The following GRIK3 variants were observed in gnomAD, a reference collection of about 807,000 sequenced individuals.
GRIK3 encodes the protein glutamate receptor ionotropic, kainate 3.
A neutral mutation model predicts 102.5 loss-of-function variants in GRIK3; 29 were observed. The observed-to-expected ratio is 0.28, with a 90% CI of 0.21 to 0.39. GRIK3 has a LOEUF of 0.39. Ranked by LOEUF, GRIK3 falls within the 10% of genes least tolerant of loss-of-function variation. GRIK3 has a pLI of 1.00. For synonymous variants in GRIK3, 511 were observed against 504.9 expected (o/e 1.01, Z -0.16); for missense variants, 908 against 1,252.4 (o/e 0.73, Z 4.15).
intron 1 of GRIK3, among the ~76,000 whole-genome samples, chr1:36,961,153 A>G (rs1041380173): frequency 2.0e-5 from 3 of 152,218 alleles, no homozygotes; most frequent in South Asian, 2.1e-4. Context: ...GGTAGGCTCC[A>G]TGCAACACAC....
intron 10 of GRIK3, among the ~76,000 whole-genome samples, chr1:36,826,360 C>A (rs1158114776): frequency 1.3e-5 from 2 of 152,162 alleles, no homozygotes; most frequent in East Asian, 1.9e-4. Context: ...AAAGATAATA[C>A]CCTCCTTTGG....
chr1:36,923,272 C>T (rs1309351707), intron 1 of GRIK3, among the ~76,000 whole-genome samples: 1 of 152,154 alleles, frequency 6.6e-6, no homozygotes, highest in Non-Finnish European at 1.5e-5. Context: ...AACACAGAGG[C>T]TCTCTGGAAA....
intron 1 of GRIK3, among the ~76,000 whole-genome samples, chr1:36,914,425 C>G (rs1450762359): frequency 6.6e-6 from 1 of 152,210 alleles, no homozygotes; most frequent in Non-Finnish European, 1.5e-5. Flanking sequence ...ATTTGCTCTG[C>G]TCACATGCAG....
chr1:36,800,982 C>T lies in GRIK3; in HGVS notation c.*869G>A, dbSNP rs1642434084. On this transcript the variant is annotated 3_prime_UTR_variant, in exon 16 of 16. Coordinates refer to ENST00000373091, the MANE Select transcript of GRIK3 (RefSeq NM_000831.4). ...ATTGGCACAAGAGCCGGTGGGACTT[C>T]CATGGAATCTGCTTTTCCTCTGCTG... The T allele has an allele frequency of 6.6e-6, 1 of 152,228 alleles. No homozygotes were observed. The highest frequency in any genetic ancestry group is 2.4e-5 in the African/African-American group (1 of 41,454). 9.4% of individuals were successfully genotyped at this position (152,228 alleles called of 1,614,324 possible).
intron 1 of GRIK3, among the ~76,000 whole-genome samples, chr1:36,964,669 C>A (rs961923814): frequency 1.8e-4 from 27 of 152,192 alleles, no homozygotes; most frequent in Non-Finnish European, 7.3e-5. Context: ...CAAGACCATG[C>A]CCACAGTGAG....
At chr1:37,010,902 C>T (rs476664) in intron 1 of GRIK3, among the ~76,000 whole-genome samples, 21,929 of 151,876 alleles carry the variant, frequency 0.14, 2,153 homozygotes, top group African/African-American at 0.27. Flanking sequence ...CCACCGCGCC[C>T]GGCTAATTTT....
At chr1:36,860,654 T>C (rs1169260976) in intron 5 of GRIK3, among the ~76,000 whole-genome samples, 1 of 152,102 alleles carries the variant, frequency 6.6e-6, no homozygotes. Context: ...AGGCTGGCTG[T>C]AGCCCCGCCC....
At chr1:36,955,372 G>A (rs565362199) in intron 1 of GRIK3, among the ~76,000 whole-genome samples, 34 of 152,224 alleles carry the variant, frequency 2.2e-4, no homozygotes, top group South Asian at 8.3e-4. Flanking sequence ...CAGCGCACAC[G>A]TGCACACAAA....
intron 8 of GRIK3, among the ~76,000 whole-genome samples, chr1:36,851,158 C>A (rs1640580077): frequency 6.6e-6 from 1 of 152,002 alleles, no homozygotes; most frequent in South Asian, 2.1e-4. Context: ...GTTAGGGGGG[C>A]TACTCAGGAC....
chr1:36,865,358 G>T (rs982090070), intron 5 of GRIK3, among the ~76,000 whole-genome samples: 1 of 152,118 alleles, frequency 6.6e-6, no homozygotes, highest in Non-Finnish European at 1.5e-5. Flanking sequence ...TTTTAGAGGC[G>T]AAGAGTTGGT....
intron 1 of GRIK3, among the ~76,000 whole-genome samples, chr1:36,973,282 A>G (rs74064827): frequency 0.021 from 3,198 of 152,250 alleles, 92 homozygotes; most frequent in African/African-American, 0.064. Flanking sequence ...TCTCTGGCCT[A>G]GGAAAGTGCT....
intron 1 of GRIK3, among the ~76,000 whole-genome samples, chr1:36,966,158 T>C (rs1642075864): frequency 6.6e-6 from 1 of 152,224 alleles, no homozygotes; most frequent in East Asian, 1.9e-4. Context: ...GGTCCAGCCA[T>C]CTGTGCACTG....
intron 1 of GRIK3, among the ~76,000 whole-genome samples, chr1:37,014,372 G>A (rs888773378): frequency 3.9e-5 from 6 of 152,232 alleles, no homozygotes; most frequent in African/African-American, 1.4e-4. Flanking sequence ...GGAAGGGAGG[G>A]ATAGGGAGGG....
At chr1:36,879,834 A>T (rs980131990) in intron 3 of GRIK3, among the ~76,000 whole-genome samples, 3 of 152,166 alleles carry the variant, frequency 2.0e-5, no homozygotes, top group Non-Finnish European at 4.4e-5. Context: ...CCCAGAGCCC[A>T]TCTCCTCTTT....
chr1:36,885,810 T>TTCTGGCC (rs2124268159), intron 2 of GRIK3, among the ~76,000 whole-genome samples: 1 of 152,318 alleles, frequency 6.6e-6, no homozygotes, highest in Non-Finnish European at 1.5e-5. Flanking sequence ...CTGCAGTAAT[T>TTCTGGCC]ACATTATTTG....
At chr1:37,020,964 C>T (rs1317002979) in intron 1 of GRIK3, among the ~76,000 whole-genome samples, 1 of 152,184 alleles carries the variant, frequency 6.6e-6, no homozygotes, top group Non-Finnish European at 1.5e-5. Flanking sequence ...CTTCTAAACA[C>T]ATATGAATAC....
intron 5 of GRIK3, among the ~76,000 whole-genome samples, chr1:36,867,886 C>T (rs566801349): frequency 2.0e-5 from 3 of 152,224 alleles, no homozygotes; most frequent in Admixed American, 6.5e-5. Context: ...ATTCCAAGGC[C>T]GGGGTGGGGG....
chr1:37,011,494 GA>G (rs2124055886), intron 1 of GRIK3, among the ~76,000 whole-genome samples: 1 of 152,302 alleles, frequency 6.6e-6, no homozygotes, highest in East Asian at 1.9e-4. Flanking sequence ...TACAGGTGGA[GA>G]AACTCAAGCA....
At chr1:36,865,782 A>G (rs1300516785) in intron 5 of GRIK3, among the ~76,000 whole-genome samples, 3 of 152,248 alleles carry the variant, frequency 2.0e-5, no homozygotes, top group African/African-American at 7.2e-5. Flanking sequence ...AACTTCAGGA[A>G]GTGCCTGATG....
Sources: gnomAD v4.1 joint callset for allele counts (sites outside exome capture counted in the v4.1 genomes callset) on GRCh38, gnomAD v4.1.1 for gene constraint, MANE v1.5 for transcripts, NCBI Gene and HGNC (gene_info 2026-07-23, HGNC 2026-07-21) for gene names.